The following CRYBA4 variants were observed in gnomAD, a reference collection of about 807,000 sequenced individuals.
The protein encoded by CRYBA4 is crystallin beta A4, also known as beta-crystallin A4.
CRYBA4 carries 30 observed loss-of-function variants against 31.7 expected under a neutral mutation model. The observed-to-expected ratio is 0.95, with a 90% CI of 0.71 to 1.28. The LOEUF (loss-of-function observed/expected upper bound fraction) is 1.28, where lower values mean the gene tolerates loss of function less well. Among genes scored for constraint, CRYBA4 ranks in the 50% most tolerant of loss-of-function variants. The probability of loss-of-function intolerance (pLI) is 0.00; values close to 1 mark genes in which losing one functional copy is unlikely to be tolerated. For synonymous variants in CRYBA4, 102 were observed against 102.3 expected, an observed-to-expected ratio of 1.00 and a Z score of 0.02; for missense variants, 225 against 260.7, an observed-to-expected ratio of 0.86 and a Z score of 0.94.
At chr22:26,599,561 G>T in the CRYBA4 span, 17 of 1,614,046 alleles carry the variant, frequency 1.1e-5, no homozygotes, top group East Asian at 3.1e-4. Flanking sequence ...CGCAGGCGAC[G>T]CAGGGACTGC....
rs543014847 is a variant in CRYBA4 at position 26,622,430 on chromosome 22, G to A, written c.-12-155G>A. Among the ~76,000 whole-genome samples the A allele has an allele frequency of 1.7e-4, 26 of 152,228 alleles. No homozygotes were observed. In the South Asian group the frequency reaches 2.1e-3, roughly 12 times the overall value. ...GATGGCATTGGTGACAGATGGAAAG[G>A]ACAGGAGAGGGACAGGCCAAAGCCA... On this transcript the variant is annotated intron_variant, in intron 1 of 5. Coordinates refer to ENST00000354760, the MANE Select transcript of CRYBA4 (RefSeq NM_001886.3).
chr22:26,625,879 T>G (rs1169661763), intron 4 of CRYBA4, among the ~76,000 whole-genome samples: 1 of 151,878 alleles, frequency 6.6e-6, no homozygotes, highest in Non-Finnish European at 1.5e-5. Context: ...ACCCTGGTTG[T>G]GATAGGAGCC....
upstream of CRYBA4, chr22:26,621,951 G>A: frequency 1.0e-6 from 1 of 985,572 alleles, no homozygotes; most frequent in Non-Finnish European, 1.2e-6. Flanking sequence ...GACCTCGGCT[G>A]GTCTCAGATC....
the CRYBA4 span, among the ~76,000 whole-genome samples, chr22:26,613,327 T>C: frequency 6.6e-6 from 1 of 152,204 alleles, no homozygotes; most frequent in Non-Finnish European, 1.5e-5. Flanking sequence ...CATATAACCA[T>C]GACCCAGCAC....
the CRYBA4 span, chr22:26,599,344 T>G: frequency 8.4e-6 from 6 of 710,978 alleles, no homozygotes; most frequent in African/African-American, 1.1e-4. Flanking sequence ...CACATCCCAG[T>G]AACTATGGGG....
the CRYBA4 span, among the ~76,000 whole-genome samples, chr22:26,590,565 A>G: frequency 1.3e-5 from 2 of 152,208 alleles, no homozygotes; most frequent in Non-Finnish European, 2.9e-5. Flanking sequence ...TTTTGTGGAT[A>G]TACCACATTC....
chr22:26,618,436 A>G (rs771077204), upstream of CRYBA4, among the ~76,000 whole-genome samples: 28 of 152,200 alleles, frequency 1.8e-4, no homozygotes, highest in East Asian at 5.8e-4. Flanking sequence ...TGTGTCTGCA[A>G]TTATAAGGTG....
chr22:26,616,634 C>T, the CRYBA4 span, among the ~76,000 whole-genome samples: 1 of 152,234 alleles, frequency 6.6e-6, no homozygotes. Context: ...TGCAATTTTC[C>T]ACACTGCTTA....
At chr22:26,628,564 G>A (rs1221967265) in intron 5 of CRYBA4, 134 bp downstream of exon 5, 2 of 1,043,598 alleles carry the variant, frequency 1.9e-6, no homozygotes, top group East Asian at 4.9e-5. Flanking sequence ...TGAGGCACAG[G>A]GAGGTATCAG....
At chr22:26,618,711 C>G (rs1028690925), upstream of CRYBA4, among the ~76,000 whole-genome samples, 6 of 152,234 alleles carry the variant, frequency 3.9e-5, no homozygotes, top group Non-Finnish European at 7.3e-5. Flanking sequence ...TGTGTGCTTT[C>G]TTCTCCTGCT....
At chr22:26,612,730 C>G in the CRYBA4 span, among the ~76,000 whole-genome samples, 4 of 152,244 alleles carry the variant, frequency 2.6e-5, no homozygotes, top group South Asian at 2.1e-4. Flanking sequence ...TTTCTTTGTG[C>G]TATTCCTCCT....
chr22:26,604,224 G>A, the CRYBA4 span, among the ~76,000 whole-genome samples: 2 of 152,214 alleles, frequency 1.3e-5, no homozygotes, highest in Non-Finnish European at 2.9e-5. Context: ...CCAGCTGTGT[G>A]GCCTTAGGCC....
rs1375239028 is a variant in CRYBA4 at position 26,627,512 on chromosome 22, CTTTCTTTCTTTCTCTT to C, written c.301-774_301-759del. On this transcript the variant is annotated intron_variant, in intron 4 of 5. Coordinates refer to ENST00000354760, the MANE Select transcript of CRYBA4 (RefSeq NM_001886.3). ...CTTTTCTTTCTTTCTTTCTTTCTTT[CTTTCTTTCTTTCTCTT>C]TCTTTCCTTTTCTTTCTTTCTTTCC... Among the ~76,000 whole-genome samples the C allele has an allele frequency of 3.4e-5, 3 of 88,146 alleles. No homozygotes were observed. In the East Asian group the frequency reaches 9.0e-4, roughly 26 times the overall value. 57.8% of individuals were successfully genotyped at this position (88,146 alleles called of 152,430 possible).
At chr22:26,624,986 GC>G (rs1279746556) in intron 3 of CRYBA4, among the ~76,000 whole-genome samples, 1 of 152,214 alleles carries the variant, frequency 6.6e-6, no homozygotes, top group Non-Finnish European at 1.5e-5. Context: ...AGATGGCCAT[GC>G]GGTCGCTCCT....
At chr22:26,590,520 GTATAGTCA>G in the CRYBA4 span, among the ~76,000 whole-genome samples, 1 of 152,224 alleles carries the variant, frequency 6.6e-6, no homozygotes, top group East Asian at 1.9e-4. Flanking sequence ...GTGGTCTGAT[GTATAGTCA>G]TACACACCAG....
chr22:26,616,072 A>T, the CRYBA4 span: 1 of 1,225,202 alleles, frequency 8.2e-7, no homozygotes, highest in East Asian at 2.3e-5. Context: ...GGAGGAGGAG[A>T]AGAAGGAGGA....
chr22:26,622,669 G>T, intron 2 of CRYBA4, 34 bp downstream of exon 2: 1 of 1,500,738 alleles, frequency 6.7e-7, no homozygotes, highest in South Asian at 1.1e-5. Flanking sequence ...GTGTTCAGGG[G>T]GTATGGGGAG....
chr22:26,607,911 A>G, the CRYBA4 span: 85 of 1,614,090 alleles, frequency 5.3e-5, no homozygotes, highest in Non-Finnish European at 6.4e-5. Flanking sequence ...CCGGAAGGAC[A>G]TGAGCCGATC....
upstream of CRYBA4, among the ~76,000 whole-genome samples, chr22:26,621,338 T>C (rs1343906669): frequency 4.6e-5 from 7 of 152,234 alleles, no homozygotes. Flanking sequence ...CCAATTGGGC[T>C]ACCAGCTCTT....
Sources: gnomAD v4.1 joint callset for allele counts (sites outside exome capture counted in the v4.1 genomes callset) on GRCh38, gnomAD v4.1.1 for gene constraint, MANE v1.5 for transcripts, NCBI Gene and HGNC (gene_info 2026-07-23, HGNC 2026-07-21) for gene names.